The following MYLK variants were observed in gnomAD, a reference collection of about 807,000 sequenced individuals.
MYLK encodes myosin light chain kinase.
In MYLK, 106 loss-of-function variants were observed where a neutral mutation model predicts 203.4. The ratio of observed to expected loss-of-function variants is 0.52; its 90% CI spans 0.45 to 0.61. The LOEUF is 0.61. Ranked by LOEUF, MYLK falls within the 20% of genes least tolerant of loss-of-function variation. MYLK has a pLI of 0.00. For missense variants in MYLK, 2,072 were observed against 2,442.3 expected (o/e 0.85, Z 3.20); for synonymous variants, 867 against 959.5 (o/e 0.90, Z 1.78).
At chr3:123,771,338 A>T (rs1388052386) in intron 4 of MYLK, among the ~76,000 whole-genome samples, 1 of 152,170 alleles carries the variant, frequency 6.6e-6, no homozygotes, top group Non-Finnish European at 1.5e-5. Flanking sequence ...CATTTTTATC[A>T]ACTACAGATC....
At chr3:123,766,487 ACCT>A (rs1352277792) in intron 4 of MYLK, among the ~76,000 whole-genome samples, 1 of 152,188 alleles carries the variant, frequency 6.6e-6, no homozygotes, top group African/African-American at 2.4e-5. Flanking sequence ...AGGGAGGACC[ACCT>A]CTTAATATAG....
chr3:123,878,341 G>A (rs1485115151), intron 1 of MYLK, among the ~76,000 whole-genome samples: 2 of 152,178 alleles, frequency 1.3e-5, no homozygotes, highest in African/African-American at 4.8e-5. Flanking sequence ...GCTGAAGCTA[G>A]CCCCCAAACC....
At chr3:123,735,215 T>C (rs958572770) in intron 9 of MYLK, 183 bp downstream of exon 9, 9 of 798,592 alleles carry the variant, frequency 1.1e-5, no homozygotes, top group Non-Finnish European at 2.0e-5. Context: ...CAACCTGAGA[T>C]AGAACCCGTG....
Position 123,848,470 on chromosome 3 carries a change from T to G in MYLK, c.-126-16800A>C, listed in dbSNP as rs78604304. On this transcript the variant is annotated intron_variant, in intron 2 of 33. Coordinates refer to ENST00000360304, the MANE Select transcript of MYLK (RefSeq NM_053025.4). Reference sequence around the variant, plus strand: ...TATTCTCCCTTGTTCCGTACTAACATACCCTTATTTGGTTTGGGAAGGCAA... The same window carrying G: ...TATTCTCCCTTGTTCCGTACTAACAGACCCTTATTTGGTTTGGGAAGGCAA... Among the ~76,000 whole-genome samples the G allele has an allele frequency of 2.8e-3, 433 of 152,230 alleles. 1 individual carries two copies. Among genetic ancestry groups the G allele is most frequent in the African/African-American group, 0.01 (417 of 41,530 alleles).
chr3:123,743,791 G>A (rs190163838), intron 5 of MYLK, among the ~76,000 whole-genome samples: 10 of 152,256 alleles, frequency 6.6e-5, no homozygotes, highest in Non-Finnish European at 1.0e-4. Flanking sequence ...AGACTGAATC[G>A]GGTCAGAACA....
chr3:123,666,300 G>C lies in MYLK; in HGVS notation c.3750C>G (p.Arg1250=). The C allele has an allele frequency of 1.2e-6, 2 of 1,614,184 alleles. No homozygotes were observed. The highest frequency in any genetic ancestry group is 1.7e-6 in the Non-Finnish European group (2 of 1,180,038). The stretch of plus-strand genomic sequence containing the variant: ...CAAACAGCTCCACTGACTCTCCTGC[G>C]CGTACCTTCTGGTCCTCAGGGAACT... ...IIQFPEDQKV[R]AGESVELFGK... is the part of the protein sequence containing the mutation. The change falls in exon 22 of 34, where the codon CGC becomes CGG. Residue 1250 remains arginine (R), a synonymous_variant. Coordinates refer to ENST00000360304, the MANE Select transcript of MYLK (RefSeq NM_053025.4).
intron 29 of MYLK, among the ~76,000 whole-genome samples, chr3:123,635,886 A>T (rs983972228): frequency 6.6e-6 from 1 of 152,254 alleles, no homozygotes; most frequent in Non-Finnish European, 1.5e-5. Flanking sequence ...ATATTCACAC[A>T]ATGGGATACT....
At chr3:123,713,245 G>A (rs1284478933) in intron 13 of MYLK, among the ~76,000 whole-genome samples, 1 of 152,116 alleles carries the variant, frequency 6.6e-6, no homozygotes, top group African/African-American at 2.4e-5. Context: ...TGTTCAGAAC[G>A]AGCCTGTTCT....
intron 2 of MYLK, among the ~76,000 whole-genome samples, chr3:123,849,581 G>A (rs2030486641): frequency 6.6e-6 from 1 of 152,108 alleles, no homozygotes; most frequent in Non-Finnish European, 1.5e-5. Flanking sequence ...CTTTTCTAGT[G>A]GTGAGAAAAG....
chr3:123,699,273 C>T (rs180867613), intron 18 of MYLK, among the ~76,000 whole-genome samples: 147 of 152,288 alleles, frequency 9.7e-4, no homozygotes, highest in African/African-American at 3.3e-3. Flanking sequence ...CAAGTATAAA[C>T]TGGCTCCTCT....
chr3:123,652,573 C>T (rs1340835767), intron 24 of MYLK, among the ~76,000 whole-genome samples: 3 of 152,220 alleles, frequency 2.0e-5, no homozygotes, highest in Non-Finnish European at 4.4e-5. Flanking sequence ...GAGGCCAGGG[C>T]GTAGCTGCAG....
chr3:123,726,210 T>G, intron 11 of MYLK, 132 bp from the exon 12 acceptor site: 1 of 1,139,932 alleles, frequency 8.8e-7, no homozygotes. Context: ...TGCCTTTGGC[T>G]TCTCTCTCTT....
intron 13 of MYLK, among the ~76,000 whole-genome samples, chr3:123,717,280 T>C (rs1408696835): frequency 2.0e-5 from 3 of 152,248 alleles, no homozygotes; most frequent in Non-Finnish European, 4.4e-5. Context: ...GGTATTAATC[T>C]GAAAACAAAC....
At chr3:123,646,836 T>C (rs1167860782) in intron 27 of MYLK, 2 of 222,776 alleles carry the variant, frequency 9.0e-6, no homozygotes, top group Non-Finnish European at 1.8e-5. Context: ...CACAGGGAAG[T>C]CAGGAAGCTG....
At chr3:123,792,836 A>G (rs78610936) in intron 4 of MYLK, among the ~76,000 whole-genome samples, 2,348 of 152,320 alleles carry the variant, frequency 0.015, 51 homozygotes, top group African/African-American at 0.054. Flanking sequence ...TGAAAGGACT[A>G]GTAGGTCAGA....
chr3:123,783,527 C>G (rs2064380833), intron 4 of MYLK, among the ~76,000 whole-genome samples: 1 of 152,176 alleles, frequency 6.6e-6, no homozygotes, highest in South Asian at 2.1e-4. Context: ...CTTTGACCAT[C>G]TGTCAAATAG....
rs2057230382 is a variant in MYLK at position 123,610,766 on chromosome 3, TG to T, written c.*3338del. The T allele has an allele frequency of 6.6e-6, 1 of 152,268 alleles. No homozygotes were observed. 9.4% of individuals were successfully genotyped at this position (152,268 alleles called of 1,614,324 possible). A position where few individuals can be genotyped will look rare whatever the true frequency, so the allele number is the denominator to read the frequency against. On this transcript the variant is annotated 3_prime_UTR_variant, in exon 34 of 34. Coordinates refer to ENST00000360304, the MANE Select transcript of MYLK (RefSeq NM_053025.4). ...CAACTCAATTATTTATTACCTCCTA[TG>T]TACTTATTAGCACAGATTTATCAAA...
At chr3:123,774,331 T>C (rs941401208) in intron 4 of MYLK, among the ~76,000 whole-genome samples, 1 of 152,120 alleles carries the variant, frequency 6.6e-6, no homozygotes, top group African/African-American at 2.4e-5. Context: ...GGAGACTGCA[T>C]CACAGTCCTC....
intron 1 of MYLK, among the ~76,000 whole-genome samples, chr3:123,880,185 C>A (rs1184975985): frequency 1.3e-5 from 2 of 152,134 alleles, no homozygotes; most frequent in Non-Finnish European, 2.9e-5. Context: ...GAGGTTAAAA[C>A]CCATGCCCAA....
Sources: gnomAD v4.1 joint callset for allele counts (sites outside exome capture counted in the v4.1 genomes callset) on GRCh38, gnomAD v4.1.1 for gene constraint, MANE v1.5 for transcripts, NCBI Gene and HGNC (gene_info 2026-07-23, HGNC 2026-07-21) for gene names.